CCNA2: variants seen among roughly 807,000 people sequenced by gnomAD.
CCNA2 encodes cyclin-A2.
CCNA2 carries 3 observed loss-of-function variants against 49.4 expected under a neutral mutation model. The ratio of observed to expected loss-of-function variants is 0.06; its 90% CI spans 0.03 to 0.16. The LOEUF is 0.16. CCNA2 is among the 10% of genes least tolerant of loss of function. The pLI is 1.00. For synonymous variants in CCNA2, 206 were observed against 197.2 expected (o/e 1.04, Z -0.37); for missense variants, 372 against 519.7 (o/e 0.72, Z 2.76).
rs768161510 is a variant in CCNA2, at chr4:121,818,140, T to C, written c.1154A>G (p.Glu385Gly). ...SLIRKTGYTLESLKPCLMDLH... is the reference protein window; with the variant it reads ...SLIRKTGYTLGSLKPCLMDLH... Reference sequence around the variant, plus strand: ...GTCCATGAGACAAGGCTTAAGACTTTCCAGGGTATATCCAGTCTTTCGTAT... The same window carrying C: ...GTCCATGAGACAAGGCTTAAGACTTCCCAGGGTATATCCAGTCTTTCGTAT... Residue 385 changes from glutamate (E) to glycine (G), a missense_variant, in exon 7 of 8, where the codon GAA becomes GGA. Around this residue, in one of 2 missense-constraint regions of CCNA2, gnomAD observed 155 missense variants for 288.1 expected, o/e 0.54. Transcript: ENST00000274026. 1.1e-5 allele frequency: 18 copies of C among 1,613,658 alleles called. No individual in the cohort carries two copies. The highest frequency in any genetic ancestry group is 6.7e-5 in the African/African-American group (5 of 74,906).
chr4:121,818,613 A>G (rs995019935), intron 6 of CCNA2, among the ~76,000 whole-genome samples, 187 bp downstream of exon 6: 3 of 152,292 alleles, frequency 2.0e-5, no homozygotes, highest in East Asian at 1.9e-4. Context: ...ATTTGATTGG[A>G]AAAAAATCCA....
In CCNA2 at chr4:121,817,100, T is replaced by TAA; in HGVS notation, c.*536_*537dup. 2.4e-6 allele frequency: 1 copy of TAA among 409,920 alleles called. No individual in the cohort carries two copies. Among genetic ancestry groups the TAA allele is most frequent in the Non-Finnish European group, 4.3e-6 (1 of 231,112 alleles). The allele number at this position is 409,920 out of a possible 1,614,324, so 25.4% of individuals were successfully genotyped here. A position where few individuals can be genotyped will look rare whatever the true frequency, so the allele number is the denominator to read the frequency against. Reference sequence around the variant, plus strand: ...TCTGTTGAGTTTACCTCGCAAAACCTAAACAAACAGGTTTTACAAAGAGCG... The same window carrying TAA: ...TCTGTTGAGTTTACCTCGCAAAACCTAAAAACAAACAGGTTTTACAAAGAGCG... On this transcript the variant is annotated 3_prime_UTR_variant, in exon 8 of 8. Coordinates refer to ENST00000274026, the MANE Select transcript of CCNA2 (RefSeq NM_001237.5).
chr4:121,823,474 A>G lies in CCNA2; in HGVS notation c.155T>C (p.Val52Ala). ...QQPRTRAALAVLKSGNPRGLA... is the reference protein window; with the variant it reads ...QQPRTRAALAALKSGNPRGLA... ...ACCCCGCGGGTTCCCGGACTTCAGTACCGCCAGCGCGGCCCGGGTCCGCGG... is the reference window on the plus strand; with the variant it reads ...ACCCCGCGGGTTCCCGGACTTCAGTGCCGCCAGCGCGGCCCGGGTCCGCGG... Residue 52 changes from valine to alanine, a missense_variant, in exon 1 of 8, where the codon GTA (valine) becomes GCA (alanine). Transcript: ENST00000274026. 1.9e-6 allele frequency: 3 copies of G among 1,613,360 alleles called. No individual in the cohort carries two copies. Among genetic ancestry groups the G allele is most frequent in the Non-Finnish European group, 2.5e-6 (3 of 1,179,838 alleles).
chr4:121,820,908 A>G lies in CCNA2; in HGVS notation c.570+71T>C, dbSNP rs1724676336. On this transcript the variant is annotated intron_variant, in intron 3 of 7. Transcript: ENST00000274026. This position sits in a 1 kb window ranked among gnomAD's most constrained non-coding sequence, Gnocchi z 4.1. ...AATTCATTAGTTTAAAAATTTAAACATTATCCTCTCAATTTCATTTAGCCA... is the reference window on the plus strand; with the variant it reads ...AATTCATTAGTTTAAAAATTTAAACGTTATCCTCTCAATTTCATTTAGCCA... 7.1e-6 allele frequency: 10 copies of G among 1,407,490 alleles called. No homozygotes were observed. The highest frequency in any genetic ancestry group is 1.8e-5 in the Admixed American group (1 of 55,486). 87.2% of individuals were successfully genotyped at this position (1,407,490 alleles called of 1,614,324 possible).
rs1270695588 is a variant in CCNA2 at position 121,819,554 on chromosome 4, C to G, written c.820G>C (p.Glu274Gln). The G allele has an allele frequency of 6.2e-7, 1 of 1,613,504 alleles. No homozygotes were observed. The highest frequency in any genetic ancestry group is 8.5e-7 in the Non-Finnish European group (1 of 1,179,616). Residue 274 changes from glutamate (E) to glutamine (Q), a missense_variant, in exon 5 of 8, where the codon GAA (glutamate) becomes CAA (glutamine). By Grantham distance (29) the Glu-to-Gln change is conservative. Coordinates refer to ENST00000274026, the MANE Select transcript of CCNA2 (RefSeq NM_001237.5). ...GTAATGTACACAAACTCTGCTACTT[C>G]TGGGGGGTATATTTCTTCAAACTTT... ...ASKFEEIYPP[E>Q]VAEFVYITDD...
chr4:121,822,679 A>G (rs1303288679), intron 1 of CCNA2, 33 bp from the exon 2 acceptor site: 2 of 1,601,774 alleles, frequency 1.2e-6, no homozygotes, highest in African/African-American at 1.3e-5. Flanking sequence ...CTTTGAGCCT[A>G]CTAGTCTTGC....
chr4:121,823,830 C>T lies in CCNA2; in HGVS notation c.-202G>A. On this transcript the variant is annotated 5_prime_UTR_variant, in exon 1 of 8. Coordinates refer to ENST00000274026, the MANE Select transcript of CCNA2 (RefSeq NM_001237.5). Reference sequence around the variant, plus strand: ...GGAGGTTGCGAAAGGCGCAGGCAGGCACTGCCCAGCGTGGCGAGCCAAAGA... The same window carrying T: ...GGAGGTTGCGAAAGGCGCAGGCAGGTACTGCCCAGCGTGGCGAGCCAAAGA... 1 of 972,898 alleles carries T rather than the reference C, an allele frequency of 1.0e-6. No individual in the cohort carries two copies. The highest frequency in any genetic ancestry group is 1.7e-5 in the African/African-American group (1 of 58,132). The allele number at this position is 972,898 out of a possible 1,614,324, so 60.3% of individuals were successfully genotyped here.
Position 121,816,816 on chromosome 4 carries a change from A to C in CCNA2, c.*822T>G. ...AAACAAGAAAAAGCACCAAGTAAAAAGCCAGTGAAAAGAAGAAAAAAGAAG... is the reference window on the plus strand; with the variant it reads ...AAACAAGAAAAAGCACCAAGTAAAACGCCAGTGAAAAGAAGAAAAAAGAAG... On this transcript the variant is annotated 3_prime_UTR_variant, in exon 8 of 8. Coordinates refer to ENST00000274026, the MANE Select transcript of CCNA2 (RefSeq NM_001237.5). 4 of 1,602,018 alleles carry C rather than the reference A, an allele frequency of 2.5e-6. No individual in the cohort carries two copies. The highest frequency in any genetic ancestry group is 2.6e-6 in the Non-Finnish European group (3 of 1,173,178).
rs1020940635 is a variant in CCNA2 at position 121,823,830 on chromosome 4, C to A, written c.-202G>T. ...GGAGGTTGCGAAAGGCGCAGGCAGG[C>A]ACTGCCCAGCGTGGCGAGCCAAAGA... On this transcript the variant is annotated 5_prime_UTR_variant, in exon 1 of 8. Coordinates refer to ENST00000274026, the MANE Select transcript of CCNA2 (RefSeq NM_001237.5). 1.2e-5 allele frequency: 12 copies of A among 972,898 alleles called. No individual in the cohort carries two copies. The Middle Eastern group carries it at 1.7e-3, about 139-fold the overall frequency. The allele number at this position is 972,898 out of a possible 1,614,324, so 60.3% of individuals were successfully genotyped here.
rs1289681435 is a variant in CCNA2, at chr4:121,817,153, C to CTA, written c.*483_*484dup. On this transcript the variant is annotated 3_prime_UTR_variant, in exon 8 of 8. Coordinates refer to ENST00000274026, the MANE Select transcript of CCNA2 (RefSeq NM_001237.5). Reference sequence around the variant, plus strand: ...AAAGTCTGGGGAATCTCTACTGTATCTATCTCTGAATACTGTATTCAGATA... The same window carrying CTA: ...AAAGTCTGGGGAATCTCTACTGTATCTATATCTCTGAATACTGTATTCAGATA... 9 of 306,228 alleles carry CTA rather than the reference C, an allele frequency of 2.9e-5. No homozygotes were observed. In the East Asian group the frequency reaches 6.3e-4, roughly 21 times the overall value. 19.0% of individuals were successfully genotyped at this position (306,228 alleles called of 1,614,324 possible). A position where few individuals can be genotyped will look rare whatever the true frequency, so the allele number is the denominator to read the frequency against.
Position 121,816,988 on chromosome 4 carries a change from T to A in CCNA2, c.*650A>T. 2 of 911,852 alleles carry A rather than the reference T, an allele frequency of 2.2e-6. No homozygotes were observed. Among genetic ancestry groups the A allele is most frequent in the Non-Finnish European group, 3.1e-6 (2 of 639,426 alleles). 56.5% of individuals were successfully genotyped at this position (911,852 alleles called of 1,614,324 possible). ...GATTTTAAAAATAGTTTTTTGTTTT[T>A]AATGTGCTTTAAAATAATAAACCTT... is the stretch of plus-strand genomic sequence containing the variant. On this transcript the variant is annotated 3_prime_UTR_variant, in exon 8 of 8. Coordinates refer to ENST00000274026, the MANE Select transcript of CCNA2 (RefSeq NM_001237.5).
Position 121,818,142 on chromosome 4 carries a change from C to T in CCNA2, c.1152G>A (p.Leu384=). The change falls in exon 7 of 8, where the codon CTG becomes CTA. Residue 384 remains leucine (L), a synonymous_variant. Transcript: ENST00000274026. ...CCATGAGACAAGGCTTAAGACTTTC[C>T]AGGGTATATCCAGTCTTTCGTATTA... ...ESLIRKTGYT[L]ESLKPCLMDL... 6.2e-7 allele frequency: 1 copy of T among 1,613,674 alleles called. No homozygotes were observed. The highest frequency in any genetic ancestry group is 8.5e-7 in the Non-Finnish European group (1 of 1,179,638).
chr4:121,816,650 T>G lies in CCNA2; in HGVS notation c.*988A>C, dbSNP rs975900638. ...AAATCTATAATATAAACTTCTTGGATGCCAGTCTTACTCATAGCTGACACA... is the reference window on the plus strand; with the variant it reads ...AAATCTATAATATAAACTTCTTGGAGGCCAGTCTTACTCATAGCTGACACA... On this transcript the variant is annotated 3_prime_UTR_variant, in exon 8 of 8. Coordinates refer to ENST00000274026, the MANE Select transcript of CCNA2 (RefSeq NM_001237.5). 4.0e-6 allele frequency: 4 copies of G among 1,009,398 alleles called. No individual in the cohort carries two copies. In the Admixed American group the frequency reaches 1.4e-4, roughly 34 times the overall value. 62.5% of individuals were successfully genotyped at this position (1,009,398 alleles called of 1,614,324 possible). A position where few individuals can be genotyped will look rare whatever the true frequency, so the allele number is the denominator to read the frequency against.
rs1578515986 is a variant in CCNA2 at position 121,823,575 on chromosome 4, C to T, written c.54G>A (p.Leu18=). The T allele has an allele frequency of 1.2e-6, 2 of 1,608,778 alleles. No individual in the cohort carries two copies. The highest frequency in any genetic ancestry group is 8.5e-7 in the Non-Finnish European group (1 of 1,178,792). The part of the protein sequence containing the change: ...GPATREAGSA[L]LALQQTALQE... ...GGAGCGCCGTCTGCTGCAATGCTAGCAGCGCCGAGCCCGCCTCGCGGGTCG... is the reference window on the plus strand; with the variant it reads ...GGAGCGCCGTCTGCTGCAATGCTAGTAGCGCCGAGCCCGCCTCGCGGGTCG... The change falls in exon 1 of 8, where the codon CTG becomes CTA. Residue 18 remains leucine (L), a synonymous_variant. Coordinates refer to ENST00000274026, the MANE Select transcript of CCNA2 (RefSeq NM_001237.5).
Position 121,820,849 on chromosome 4 carries a change from C to A in CCNA2, c.571-84G>T. 8.1e-7 allele frequency: 1 copy of A among 1,236,050 alleles called. No individual in the cohort carries two copies. Among genetic ancestry groups the A allele is most frequent in the Admixed American group, 1.9e-5 (1 of 52,456 alleles). 76.6% of individuals were successfully genotyped at this position (1,236,050 alleles called of 1,614,324 possible). On this transcript the variant is annotated intron_variant, in intron 3 of 7. Transcript: ENST00000274026. This position sits in a 1 kb window ranked among gnomAD's most constrained non-coding sequence, Gnocchi z 4.1. ...TTATTTTACCATTAATTACGAGAGG[C>A]TACATGCTATAAACTTAACTGTAGC... is the stretch of plus-strand genomic sequence containing the variant.
At position 121,823,723 on chromosome 4, in the gene CCNA2, T is replaced by C. The variant is rs1338732359; in HGVS notation, c.-95A>G. The C allele has an allele frequency of 6.2e-6, 9 of 1,455,304 alleles. No individual in the cohort carries two copies. The highest frequency in any genetic ancestry group is 8.1e-6 in the Non-Finnish European group (9 of 1,106,764). The allele number at this position is 1,455,304 out of a possible 1,614,324, so 90.1% of individuals were successfully genotyped here. A position where few individuals can be genotyped will look rare whatever the true frequency, so the allele number is the denominator to read the frequency against. On this transcript the variant is annotated 5_prime_UTR_variant, in exon 1 of 8. Transcript: ENST00000274026. ...CACTCGCACCGACCCGGCCAAAGAA[T>C]AGTCGTAGCCGCCGGTCGCAGCCCA... is the stretch of plus-strand genomic sequence containing the variant.
intron 1 of CCNA2, among the ~76,000 whole-genome samples, chr4:121,822,849 G>A (rs930649966): frequency 6.6e-6 from 1 of 152,292 alleles, no homozygotes; most frequent in African/African-American, 2.4e-5. Flanking sequence ...ATAACACTAG[G>A]TGGAATTATG....
Position 121,823,524 on chromosome 4 carries a change from C to T in CCNA2, c.105G>A (p.Pro35=), listed in dbSNP as rs751032291. Residue 35 remains proline (P), a synonymous_variant, in exon 1 of 8, where the codon CCG becomes CCA. Transcript: ENST00000274026. ...ALQEDQENIN[P]EKAAPVQQPR... is the part of the protein sequence containing the mutation. ...GTTGTTGGACGGGCGCTGCCTTTTCCGGGTTGATATTCTCCTGGTCCTCTT... is the reference window on the plus strand; with the variant it reads ...GTTGTTGGACGGGCGCTGCCTTTTCTGGGTTGATATTCTCCTGGTCCTCTT... The T allele has an allele frequency of 1.2e-6, 2 of 1,612,986 alleles. No individual in the cohort carries two copies. Among genetic ancestry groups the T allele is most frequent in the East Asian group, 2.2e-5 (1 of 44,866 alleles).
Position 121,823,649 on chromosome 4 carries a change from G to A in CCNA2, c.-21C>T. The A allele has an allele frequency of 1.3e-6, 2 of 1,551,632 alleles. No homozygotes were observed. The highest frequency in any genetic ancestry group is 1.7e-6 in the Non-Finnish European group (2 of 1,153,158). On this transcript the variant is annotated 5_prime_UTR_variant, in exon 1 of 8. Transcript: ENST00000274026. Reference sequence around the variant, plus strand: ...AACATCACTGCTCCCGGGAGTGGACGGCGGGATCAGCCTGCGGCGCCAAGC... The same window carrying A: ...AACATCACTGCTCCCGGGAGTGGACAGCGGGATCAGCCTGCGGCGCCAAGC...
Sources: gnomAD v4.1 joint callset for allele counts (sites outside exome capture counted in the v4.1 genomes callset) on GRCh38, gnomAD v4.1.1 for gene constraint, gnomAD v4.1.1 regional missense constraint, Gnocchi (gnomAD v3.1) non-coding constraint, MANE v1.5 for transcripts, NCBI Gene and HGNC (gene_info 2026-07-23, HGNC 2026-07-21) for gene names.